The following MPDZ variants were observed in gnomAD, a reference collection of about 807,000 sequenced individuals.
MPDZ encodes the protein multiple PDZ domain crumbs cell polarity complex component.
MPDZ carries 234 observed loss-of-function variants against 239.1 expected under a neutral mutation model. That is an observed-to-expected ratio of 0.98 (90% CI 0.88 to 1.09). MPDZ has a LOEUF of 1.09. Ranked by LOEUF, MPDZ falls within the 50% of genes least tolerant of loss-of-function variation. The pLI is 0.00. For missense variants in MPDZ, 3,175 were observed against 2,510.0 expected (o/e 1.26, Z -5.66); for synonymous variants, 1,048 against 881.3 (o/e 1.19, Z -3.35).
intron 1 of MPDZ, among the ~76,000 whole-genome samples, chr9:13,269,378 G>A (rs2139182029): frequency 6.6e-6 from 1 of 152,292 alleles, no homozygotes; most frequent in African/African-American, 2.4e-5. Context: ...GTTTTGTGTT[G>A]CTGTTGTTTC....
At chr9:13,266,116 G>A (rs1344613079) in intron 1 of MPDZ, among the ~76,000 whole-genome samples, 1 of 152,124 alleles carries the variant, frequency 6.6e-6, no homozygotes, top group African/African-American at 2.4e-5. Context: ...TGAGCTATAA[G>A]TACTATACAT....
chr9:13,143,508 G>C lies in MPDZ; in HGVS notation c.3798C>G (p.Ser1266Arg), dbSNP rs1270259012. Residue 1266 changes from serine (S) to arginine (R), a missense_variant, in exon 27 of 47, where the codon AGC (serine) becomes AGG (arginine). Coordinates refer to ENST00000319217, the MANE Select transcript of MPDZ (RefSeq NM_001378778.1). ...HNLYPKYNFS[S>R]TNPFADSLQI... ...GTAGAGAGTCAGCAAATGGGTTAGT[G>C]CTGCTGAAGTTGTACTTAGGGTAAA... is the stretch of plus-strand genomic sequence containing the variant. 3 of 1,613,010 alleles carry C rather than the reference G, an allele frequency of 1.9e-6. No homozygotes were observed. Among genetic ancestry groups the C allele is most frequent in the Non-Finnish European group, 2.5e-6 (3 of 1,179,228 alleles).
chr9:13,193,153 G>T lies in MPDZ; in HGVS notation c.1803+14C>A. On this transcript the variant is annotated intron_variant, in intron 14 of 46. Transcript: ENST00000319217. ...TCTTATTTAAGGAGGAGAAGGAACA[G>T]CATAGCTCCTTACTTCCAATAGCTC... 6.4e-7 allele frequency: 1 copy of T among 1,551,224 alleles called. No homozygotes were observed. Among genetic ancestry groups the T allele is most frequent in the South Asian group, 1.3e-5 (1 of 79,546 alleles).
At chr9:13,248,448 T>C (rs1428498754) in intron 2 of MPDZ, among the ~76,000 whole-genome samples, 1 of 152,144 alleles carries the variant, frequency 6.6e-6, no homozygotes, top group Non-Finnish European at 1.5e-5. Context: ...TGAGTAACTA[T>C]GTCCTACTAG....
intron 13 of MPDZ, 69 bp from the exon 14 acceptor site, chr9:13,193,382 T>C: frequency 7.0e-7 from 1 of 1,433,694 alleles, no homozygotes; most frequent in Non-Finnish European, 9.2e-7. Context: ...GCACACATTT[T>C]ATGTTTTATG....
chr9:13,207,748 T>G (rs935957146), intron 10 of MPDZ, among the ~76,000 whole-genome samples: 1 of 152,186 alleles, frequency 6.6e-6, no homozygotes, highest in Non-Finnish European at 1.5e-5. Flanking sequence ...CTCTGTATCA[T>G]TTTTCCTTAT....
At position 13,125,266 on chromosome 9, in the gene MPDZ, T is replaced by A; in HGVS notation, c.4757A>T (p.Gln1586Leu). ...GCCAGACTGTGGGACCATCAGAGAC[T>A]GGGAGCTGTTCTTTTTTTCTCCACT... The part of the protein sequence containing the change: ...AASGEKKNSS[Q>L]SLMVPQSGSP... Residue 1586 changes from glutamine (Q) to leucine (L), a missense_variant, in exon 35 of 47, where the codon CAG becomes CTG. By Grantham distance (113) the Gln-to-Leu change is moderately radical. Transcript: ENST00000319217. 6.2e-7 allele frequency: 1 copy of A among 1,613,214 alleles called. No homozygotes were observed. The highest frequency in any genetic ancestry group is 1.7e-5 in the Admixed American group (1 of 60,002).
chr9:13,240,929 A>G (rs1420563415), intron 3 of MPDZ, among the ~76,000 whole-genome samples: 3 of 152,140 alleles, frequency 2.0e-5, no homozygotes, highest in African/African-American at 7.2e-5. Flanking sequence ...ACCATTTAAC[A>G]TTGTCACAAA....
intron 2 of MPDZ, among the ~76,000 whole-genome samples, chr9:13,248,912 G>T (rs1014245753): frequency 2.3e-5 from 3 of 130,218 alleles, no homozygotes; most frequent in African/African-American, 8.7e-5. Context: ...GGTGGAAGTT[G>T]CAGTGAGCCG....
At chr9:13,122,032 C>G (rs1298552908) in intron 37 of MPDZ, 55 bp downstream of exon 37, 2 of 1,602,552 alleles carry the variant, frequency 1.2e-6, no homozygotes, top group South Asian at 2.2e-5. Flanking sequence ...AGAAACACTC[C>G]CCCCAGGAGC....
chr9:13,141,097 GAAA>G (rs57261600), intron 27 of MPDZ, among the ~76,000 whole-genome samples: 4 of 130,100 alleles, frequency 3.1e-5, no homozygotes. Context: ...GTCCTATTTC[GAAA>G]AAAAAAAAAA....
chr9:13,148,372 G>A (rs1213212888), intron 25 of MPDZ, among the ~76,000 whole-genome samples: 1 of 151,952 alleles, frequency 6.6e-6, no homozygotes, highest in Non-Finnish European at 1.5e-5. Flanking sequence ...AATTCTGTCA[G>A]AAAACTATAG....
At chr9:13,187,591 A>G (rs1954296280) in intron 17 of MPDZ, among the ~76,000 whole-genome samples, 3 of 152,114 alleles carry the variant, frequency 2.0e-5, no homozygotes, top group African/African-American at 7.2e-5. Flanking sequence ...TTTTTCATAA[A>G]TATATTTTAA....
At chr9:13,126,444 C>A in intron 34 of MPDZ, 72 bp downstream of exon 34, 1 of 1,005,846 alleles carries the variant, frequency 9.9e-7, no homozygotes, top group Non-Finnish European at 1.5e-6. Context: ...TCTCTATGAT[C>A]GCAGACACAA....
intron 22 of MPDZ, among the ~76,000 whole-genome samples, chr9:13,166,332 G>A (rs1016176657): frequency 2.6e-5 from 4 of 152,120 alleles, no homozygotes; most frequent in Non-Finnish European, 4.4e-5. Context: ...CATGCAAAAT[G>A]CACAGAACAT....
At chr9:13,153,356 A>C (rs1371574219) in intron 24 of MPDZ, among the ~76,000 whole-genome samples, 3 of 152,190 alleles carry the variant, frequency 2.0e-5, no homozygotes, top group African/African-American at 7.2e-5. Context: ...TGAATAAAAT[A>C]GTTAAAATCC....
rs1414376745 is a variant in MPDZ at position 13,279,294 on chromosome 9, CCCCCAA to C, written c.-58+100_-58+105del. ...ACCCCCATCCCCGCCCCCACCCCCA[CCCCCAA>C]GCGCCGAGCCCAGGGCGCCCGCGCA... On this transcript the variant is annotated intron_variant, in intron 1 of 46. Coordinates refer to ENST00000319217, the MANE Select transcript of MPDZ (RefSeq NM_001378778.1). The C allele has an allele frequency of 3.2e-4, 44 of 138,040 alleles. 3 individuals are homozygous for C. The highest frequency in any genetic ancestry group is 6.7e-4 in the East Asian group (3 of 4,452). The allele number at this position is 138,040 out of a possible 1,614,324, so 8.6% of individuals were successfully genotyped here. A position where few individuals can be genotyped will look rare whatever the true frequency, so the allele number is the denominator to read the frequency against.
At chr9:13,210,372 G>A (rs1005402320) in intron 10 of MPDZ, among the ~76,000 whole-genome samples, 1 of 151,356 alleles carries the variant, frequency 6.6e-6, no homozygotes, top group Non-Finnish European at 1.5e-5. Context: ...ACACATTCAG[G>A]GCATAAAAGA....
intron 11 of MPDZ, 53 bp from the exon 12 acceptor site, chr9:13,205,160 G>A (rs1956851004): frequency 2.1e-6 from 2 of 974,068 alleles, no homozygotes; most frequent in African/African-American, 1.7e-5. Flanking sequence ...TCAAGTACTT[G>A]AATTTTTCTA....
Sources: gnomAD v4.1 joint callset for allele counts (sites outside exome capture counted in the v4.1 genomes callset) on GRCh38, gnomAD v4.1.1 for gene constraint, MANE v1.5 for transcripts, NCBI Gene and HGNC (gene_info 2026-07-23, HGNC 2026-07-21) for gene names.